HDAC4: variants seen among roughly 807,000 people sequenced by gnomAD.
The protein encoded by HDAC4 is histone deacetylase A.
In HDAC4, 16 loss-of-function variants were observed where a neutral mutation model predicts 135.1. The ratio of observed to expected loss-of-function variants is 0.12; its 90% confidence interval spans 0.08 to 0.18. The LOEUF is 0.18. Ranked by LOEUF, HDAC4 falls within the 10% of genes least tolerant of loss-of-function variation. The pLI, the probability that HDAC4 is intolerant of heterozygous loss-of-function variation, is 1.00. For missense variants in HDAC4, 1,143 were observed against 1,511.8 expected (o/e 0.76, Z 4.05); for synonymous variants, 685 against 653.4 (o/e 1.05, Z -0.74).
In HDAC4 at chr2:239,376,796, A is replaced by G. The variant is rs558498047; in HGVS notation, c.-219-23878T>C. 1.2e-4 allele frequency among the ~76,000 whole-genome samples: 18 copies of G among 151,930 alleles called. No individual in the cohort carries two copies. The South Asian group carries it at 3.7e-3, about 32-fold the overall frequency. Reference sequence around the variant, plus strand: ...ACACAAATCCTCATAATGCAGGCATACGGCTGGGAGGCAGGGTCTCGGTGG... The same window carrying G: ...ACACAAATCCTCATAATGCAGGCATGCGGCTGGGAGGCAGGGTCTCGGTGG... On this transcript the variant is annotated intron_variant, in intron 1 of 26. Coordinates refer to ENST00000543185, the MANE Select transcript of HDAC4 (RefSeq NM_001378414.1).
intron 17 of HDAC4, 127 bp from the exon 18 acceptor site, chr2:239,090,243 G>A (rs560840795): frequency 8.6e-4 from 617 of 718,234 alleles, no homozygotes; most frequent in Non-Finnish European, 1.3e-3. Context: ...CCAGAGCCAG[G>A]GCAGCTGCAG....
chr2:239,355,523 C>CCTG (rs1476485212), intron 1 of HDAC4, among the ~76,000 whole-genome samples: 1 of 152,244 alleles, frequency 6.6e-6, no homozygotes, highest in Non-Finnish European at 1.5e-5. Flanking sequence ...CCTAGTCCCT[C>CCTG]CTCATACATC....
At chr2:239,081,074 A>G in intron 22 of HDAC4, 21 bp downstream of exon 22, 1 of 1,573,090 alleles carries the variant, frequency 6.4e-7, no homozygotes, top group South Asian at 1.1e-5. Context: ...TTCAGGTGTC[A>G]TGTGAAGCCG....
chr2:239,252,835 T>C (rs992308385), intron 2 of HDAC4, among the ~76,000 whole-genome samples: 3 of 152,266 alleles, frequency 2.0e-5, no homozygotes, highest in African/African-American at 7.2e-5. Context: ...TTTTGAATTT[T>C]GAAGAAGCAG....
intron 3 of HDAC4, among the ~76,000 whole-genome samples, chr2:239,231,785 G>A (rs2047581059): frequency 2.7e-5 from 1 of 36,924 alleles, no homozygotes; most frequent in African/African-American, 1.5e-4. Flanking sequence ...CCTCCCCGAA[G>A]CGCCCCTGTC....
chr2:239,217,709 A>G (rs573039865), intron 3 of HDAC4, among the ~76,000 whole-genome samples: 55 of 152,216 alleles, frequency 3.6e-4, no homozygotes, highest in Non-Finnish European at 7.2e-4. Context: ...CCAGAAGGAA[A>G]AGAAACCACA....
rs140251118 is a variant in HDAC4, at chr2:239,384,076, C to T, written c.-220+16902G>A. On this transcript the variant is annotated intron_variant, in intron 1 of 26. Coordinates refer to ENST00000543185, the MANE Select transcript of HDAC4 (RefSeq NM_001378414.1). ...CCCGGACACAGACAGAGAAGCAGCT[C>T]GTGGGCAACCCTCCATCGTGCTCTG... 9.3e-3 allele frequency among the ~76,000 whole-genome samples: 1,416 copies of T among 152,304 alleles called. 21 individuals carry two copies. Among genetic ancestry groups the T allele is most frequent in the Middle Eastern group, 0.051 (15 of 294 alleles).
At chr2:239,297,974 C>T (rs11696099) in intron 2 of HDAC4, among the ~76,000 whole-genome samples, 31,933 of 151,972 alleles carry the variant, frequency 0.21, 3,547 homozygotes, top group Non-Finnish European at 0.22. Flanking sequence ...TGCTAAGTGC[C>T]TCTGTCCCTA....
In HDAC4 at chr2:239,139,341, G is replaced by A. The variant is rs1225630113; in HGVS notation, c.978+343C>T. On this transcript the variant is annotated intron_variant, in intron 9 of 26. Transcript: ENST00000543185. The surrounding 1 kb of genome is among the most constrained non-coding windows in gnomAD (Gnocchi z 5.3). Reference sequence around the variant, plus strand: ...GCGACCACAGCGAGCTGGGCAGCAGGGATCCTGTCCACCTAGAGCACCTGC... The same window carrying A: ...GCGACCACAGCGAGCTGGGCAGCAGAGATCCTGTCCACCTAGAGCACCTGC... Among the ~76,000 whole-genome samples the A allele has an allele frequency of 1.3e-5, 2 of 152,190 alleles. No individual in the cohort carries two copies. The highest frequency in any genetic ancestry group is 3.9e-4 in the East Asian group (2 of 5,192).
chr2:239,157,651 T>C (rs953606701), intron 6 of HDAC4, among the ~76,000 whole-genome samples: 6 of 152,242 alleles, frequency 3.9e-5, no homozygotes, highest in Admixed American at 1.3e-4. Flanking sequence ...GTCTTTAAAC[T>C]GCGTAATCTG....
chr2:239,181,615 G>A (rs528880096), intron 4 of HDAC4, among the ~76,000 whole-genome samples: 4 of 152,368 alleles, frequency 2.6e-5, no homozygotes, highest in Non-Finnish European at 4.4e-5. Flanking sequence ...TCAGGGCAGC[G>A]CTGGCCTCCG....
At chr2:239,085,347 A>T (rs12233096) in intron 19 of HDAC4, among the ~76,000 whole-genome samples, 52,239 of 152,084 alleles carry the variant, frequency 0.34, 9,307 homozygotes, top group Admixed American at 0.46. Context: ...TTGATCTCAA[A>T]TTCCCTTTGT....
At position 239,266,288 on chromosome 2, in the gene HDAC4, C is replaced by T. The variant is rs114443254; in HGVS notation, c.23-29624G>A. The stretch of plus-strand genomic sequence containing the variant: ...AACGTGCCCCTGATTCTCCATAGGC[C>T]GGGACCCTGGTCCCAGGAGCCCACA... On this transcript the variant is annotated intron_variant, in intron 2 of 26. Coordinates refer to ENST00000543185, the MANE Select transcript of HDAC4 (RefSeq NM_001378414.1). Among the ~76,000 whole-genome samples the T allele has an allele frequency of 5.7e-3, 868 of 152,294 alleles. 16 individuals carry two copies. The highest frequency in any genetic ancestry group is 0.02 in the African/African-American group (834 of 41,562).
chr2:239,102,763 G>A lies in HDAC4; in HGVS notation c.2233+13C>T, dbSNP rs767929564. On this transcript the variant is annotated intron_variant, in intron 16 of 26. Coordinates refer to ENST00000543185, the MANE Select transcript of HDAC4 (RefSeq NM_001378414.1). ...CAAACCCAATATGGGAGGAAAGGAA[G>A]GTCCTGAAATACCTAGAAGTTTCTT... The A allele has an allele frequency of 9.3e-6, 15 of 1,613,658 alleles. No homozygotes were observed. In the South Asian group the frequency reaches 1.5e-4, roughly 17 times the overall value.
At chr2:239,059,607 A>G (rs1364784691) in intron 24 of HDAC4, among the ~76,000 whole-genome samples, 1 of 152,258 alleles carries the variant, frequency 6.6e-6, no homozygotes, top group Admixed American at 6.5e-5. Flanking sequence ...TTAAGAAGGA[A>G]TAGGAAACTT....
intron 2 of HDAC4, among the ~76,000 whole-genome samples, chr2:239,315,290 T>G (rs2125726929): frequency 6.6e-6 from 1 of 152,324 alleles, no homozygotes; most frequent in East Asian, 1.9e-4. Context: ...GCACATGTTG[T>G]CAGCACCTCT....
At chr2:239,081,048 G>A (rs762384865) in intron 22 of HDAC4, 47 bp downstream of exon 22, 32 of 1,420,270 alleles carry the variant, frequency 2.3e-5, no homozygotes, top group East Asian at 9.2e-5. Flanking sequence ...TGTGTGCACA[G>A]AGGAAAAGCT....
At chr2:239,327,975 G>A (rs143747309) in intron 2 of HDAC4, among the ~76,000 whole-genome samples, 1 of 152,324 alleles carries the variant, frequency 6.6e-6, no homozygotes, top group Non-Finnish European at 1.5e-5. Context: ...TGTCTGTACA[G>A]GCCCATGCCT....
intron 21 of HDAC4, 70 bp from the exon 22 acceptor site, chr2:239,081,262 G>A: frequency 1.5e-6 from 2 of 1,335,298 alleles, no homozygotes; most frequent in South Asian, 1.2e-5. Context: ...AACGCCTGAT[G>A]CAGGTGGCAC....
Sources: allele counts gnomAD v4.1 joint callset (sites outside exome capture counted in the v4.1 genomes callset), GRCh38; gene constraint gnomAD v4.1.1; non-coding constraint Gnocchi (gnomAD v3.1); transcripts MANE v1.5; gene names NCBI Gene and HGNC (gene_info 2026-07-23, HGNC 2026-07-21).